Variants in HIGD1C observed in about 807,000 individuals in gnomAD.
The protein encoded by HIGD1C is HIG1 hypoxia inducible domain family member 1C, also known as HIG1 domain family member 1C.
A neutral mutation model predicts 13.1 loss-of-function variants in HIGD1C; 11 were observed. The ratio of observed to expected loss-of-function variants is 0.84; its 90% CI spans 0.53 to 1.39. The LOEUF is 1.39. Ranked by LOEUF, HIGD1C falls within the 40% of genes most tolerant of loss-of-function variation. HIGD1C has a pLI of 0.00. For synonymous variants in HIGD1C, 36 were observed against 37.7 expected, an observed-to-expected ratio of 0.95 and a Z score of 0.17; for missense variants, 110 against 112.0, an observed-to-expected ratio of 0.98 and a Z score of 0.08.
upstream of HIGD1C, among the ~76,000 whole-genome samples, chr12:50,950,424 T>C (rs1423562860): frequency 1.3e-5 from 2 of 152,052 alleles, no homozygotes; most frequent in Non-Finnish European, 2.9e-5. Context: ...CTGAATAAAA[T>C]AGGAATGCAA....
At chr12:50,941,727 T>G in the HIGD1C span, among the ~76,000 whole-genome samples, 19 of 152,238 alleles carry the variant, frequency 1.2e-4, no homozygotes, top group South Asian at 8.3e-4. Flanking sequence ...GCCTTTTACA[T>G]CTCCCACTAA....
chr12:50,951,641 G>GGGCGCGGTGGCTCACACCTGTAA (rs1565953823), upstream of HIGD1C, among the ~76,000 whole-genome samples: 2 of 152,106 alleles, frequency 1.3e-5, no homozygotes, highest in East Asian at 3.8e-4. Context: ...AAGGTCGGCT[G>GGGCGCGGTGGCTCACACCTGTAA]GGCGCGGTGG....
At chr12:50,970,825 C>A (rs1351719034), downstream of HIGD1C, among the ~76,000 whole-genome samples, 3 of 152,106 alleles carry the variant, frequency 2.0e-5, no homozygotes, top group Admixed American at 6.5e-5. Flanking sequence ...CCAAACCAAT[C>A]TGAAAAATTA....
At chr12:50,960,912 T>TTTA (rs1476662120) in intron 1 of HIGD1C, 56 bp from the exon 4 acceptor site, 48 of 1,475,230 alleles carry the variant, frequency 3.3e-5, no homozygotes, top group African/African-American at 9.9e-5. Context: ...ACTCCTGGTC[T>TTTA]CACACGATGC....
intron 1 of HIGD1C, among the ~76,000 whole-genome samples, chr12:50,956,254 T>A (rs1446873709): frequency 6.6e-6 from 1 of 152,026 alleles, no homozygotes; most frequent in African/African-American, 2.4e-5. Flanking sequence ...TAGCTGGGTG[T>A]GGTGGCAGGC....
chr12:50,931,995 G>C, the HIGD1C span: 3 of 152,152 alleles, frequency 2.0e-5, no homozygotes, highest in African/African-American at 7.2e-5. Flanking sequence ...TTTTATTCCA[G>C]TATTCCACCA....
At chr12:50,933,135 AAATG>A in the HIGD1C span, among the ~76,000 whole-genome samples, 2 of 152,206 alleles carry the variant, frequency 1.3e-5, no homozygotes, top group Non-Finnish European at 2.9e-5. Context: ...AGAAATAAAT[AAATG>A]AAGTTTTTTA....
At chr12:50,971,762 C>T (rs1373052456), downstream of HIGD1C, among the ~76,000 whole-genome samples, 1 of 152,226 alleles carries the variant, frequency 6.6e-6, no homozygotes, top group African/African-American at 2.4e-5. Context: ...CTGGTGGGTA[C>T]TTCCTTTTCC....
the HIGD1C span, among the ~76,000 whole-genome samples, chr12:50,946,590 G>A: frequency 2.0e-5 from 3 of 152,160 alleles, no homozygotes; most frequent in African/African-American, 7.2e-5. Flanking sequence ...AACAGGTGCT[G>A]GAGAGGATGT....
At chr12:50,934,289 C>T in the HIGD1C span, among the ~76,000 whole-genome samples, 1 of 152,230 alleles carries the variant, frequency 6.6e-6, no homozygotes, top group Non-Finnish European at 1.5e-5. Flanking sequence ...GAAACACTGG[C>T]TTTGGCATCA....
chr12:50,959,932 G>A (rs1465629939), intron 1 of HIGD1C, among the ~76,000 whole-genome samples: 5 of 152,218 alleles, frequency 3.3e-5, no homozygotes, highest in Non-Finnish European at 7.3e-5. Context: ...TTACAGGCAT[G>A]AGCCACTGCA....
chr12:50,956,835 G>T (rs1939112822), intron 1 of HIGD1C, among the ~76,000 whole-genome samples: 1 of 152,118 alleles, frequency 6.6e-6, no homozygotes, highest in East Asian at 1.9e-4. Flanking sequence ...CTTGGAGTAT[G>T]TTCCCAGAAG....
chr12:50,951,129 T>C (rs563244972), upstream of HIGD1C, among the ~76,000 whole-genome samples: 18 of 152,208 alleles, frequency 1.2e-4, 2 homozygotes, highest in South Asian at 2.9e-3. Flanking sequence ...AATATTAAAG[T>C]ACCTGTTCAG....
chr12:50,963,591 A>T (rs1425741982), intron 2 of HIGD1C, among the ~76,000 whole-genome samples: 1 of 152,132 alleles, frequency 6.6e-6, no homozygotes, highest in Admixed American at 6.5e-5. Flanking sequence ...CAAAGGGGTC[A>T]GAGAAGGTGA....
the HIGD1C span, among the ~76,000 whole-genome samples, chr12:50,943,017 C>T: frequency 6.6e-6 from 1 of 151,720 alleles, no homozygotes; most frequent in Non-Finnish European, 1.5e-5. Flanking sequence ...AGGTGCCTGC[C>T]ACCACGCCCA....
At position 50,970,447 on chromosome 12, in the gene HIGD1C, C is replaced by A. The variant is rs537322590; in HGVS notation, c.235C>A (p.Leu79Ile). The change falls in exon 3 of 3, where the codon CTC (leucine) becomes ATC (isoleucine). Residue 79 changes from leucine (L) to isoleucine (I), a missense_variant. Transcript: ENST00000398455. The stretch of plus-strand genomic sequence containing the variant: ...ATACATCCTTCTTTTTCTAGGTGTT[C>A]TCTATTCTATGTATAAGGATTACAT... 1.6e-5 allele frequency: 23 copies of A among 1,476,856 alleles called. 1 individual carries two copies. The South Asian group carries it at 2.7e-4, about 17-fold the overall frequency. 91.5% of individuals were successfully genotyped at this position (1,476,856 alleles called of 1,614,324 possible).
At chr12:50,952,411 C>T (rs927036545), upstream of HIGD1C, among the ~76,000 whole-genome samples, 8 of 152,164 alleles carry the variant, frequency 5.3e-5, no homozygotes, top group East Asian at 1.9e-4. Context: ...AAACCATGAA[C>T]GCTACCTGAT....
At chr12:50,958,642 C>T (rs1939205710) in intron 1 of HIGD1C, among the ~76,000 whole-genome samples, 1 of 152,004 alleles carries the variant, frequency 6.6e-6, no homozygotes, top group South Asian at 2.1e-4. Flanking sequence ...GATATTAAGG[C>T]TTACTATATT....
upstream of HIGD1C, among the ~76,000 whole-genome samples, chr12:50,948,924 G>GGGGA (rs1388299940): frequency 7.0e-5 from 1 of 14,228 alleles, no homozygotes; most frequent in African/African-American, 4.0e-4. Context: ...GAGGGGGGGA[G>GGGGA]GGGGAGGGGA....
Sources: gnomAD v4.1 joint callset for allele counts (sites outside exome capture counted in the v4.1 genomes callset) on GRCh38, gnomAD v4.1.1 for gene constraint, MANE v1.5 for transcripts, NCBI Gene and HGNC (gene_info 2026-07-23, HGNC 2026-07-21) for gene names.